Variants in KCNH5 observed in about 807,000 individuals in gnomAD.
The protein encoded by KCNH5 is potassium voltage-gated channel subfamily H member 5, also known as voltage-gated delayed rectifier potassium channel KCNH5.
A neutral mutation model predicts 96.1 loss-of-function variants in KCNH5; 46 were observed. That is an observed-to-expected ratio of 0.48 (90% confidence interval 0.38 to 0.61). The LOEUF is 0.61. Ranked by LOEUF, KCNH5 falls within the 20% of genes least tolerant of loss-of-function variation. The probability of loss-of-function intolerance (pLI) is 0.00; values close to 1 mark genes in which losing one functional copy is unlikely to be tolerated. For missense variants in KCNH5, 907 were observed against 1,225.8 expected (o/e 0.74, Z 3.88); for synonymous variants, 439 against 449.8 (o/e 0.98, Z 0.30).
At chr14:62,913,233 C>CT (rs921070652) in intron 7 of KCNH5, among the ~76,000 whole-genome samples, 94 of 146,906 alleles carry the variant, frequency 6.4e-4, no homozygotes, top group African/African-American at 1.8e-3. Context: ...AAATGTGAAA[C>CT]TTTTTTTTTT....
At chr14:62,729,655 A>G (rs1885008664) in intron 10 of KCNH5, among the ~76,000 whole-genome samples, 1 of 152,194 alleles carries the variant, frequency 6.6e-6, no homozygotes, top group Admixed American at 6.5e-5. Context: ...AGAGATGACT[A>G]AGATCCCCAA....
At position 62,892,944 on chromosome 14, in the gene KCNH5, A is replaced by G. The variant is rs180675078; in HGVS notation, c.1370-43092T>C. Among the ~76,000 whole-genome samples, 394 of 152,330 alleles carry G rather than the reference A, an allele frequency of 2.6e-3. 1 individual carries two copies. Among genetic ancestry groups the G allele is most frequent in the African/African-American group, 9.1e-3 (378 of 41,574 alleles). On this transcript the variant is annotated intron_variant, in intron 7 of 10. Transcript: ENST00000322893. ...AGCTGAAACAGAGATGTACAAGAAG[A>G]TGAATATTGTTTTCATACCTGCTAA...
At chr14:62,833,443 G>C (rs1283807066) in intron 8 of KCNH5, among the ~76,000 whole-genome samples, 2 of 151,952 alleles carry the variant, frequency 1.3e-5, no homozygotes, top group African/African-American at 4.8e-5. Flanking sequence ...ACGATTAGTT[G>C]ACCGTATGTG....
In KCNH5 at chr14:62,733,394, C is replaced by T. The variant is rs1355746946; in HGVS notation, c.2020-24939G>A. ...ACCATATAAGGATACAATGAGATGA[C>T]AGTCATCACAAACCAGGAAACAGGC... On this transcript the variant is annotated intron_variant, in intron 10 of 10. Coordinates refer to ENST00000322893, the MANE Select transcript of KCNH5 (RefSeq NM_139318.5). 5.9e-5 allele frequency among the ~76,000 whole-genome samples: 9 copies of T among 152,202 alleles called. 1 individual carries two copies. The South Asian group carries it at 1.2e-3, about 21-fold the overall frequency.
At chr14:62,990,049 C>A (rs1303999915) in intron 4 of KCNH5, among the ~76,000 whole-genome samples, 1 of 151,784 alleles carries the variant, frequency 6.6e-6, no homozygotes, top group Non-Finnish European at 1.5e-5. Flanking sequence ...AAAATTACAG[C>A]CCTTGGTATA....
chr14:62,781,503 ACCTCTGCAGTCTCGACCGTAAGAGACGG>A (rs1450063568), intron 9 of KCNH5, among the ~76,000 whole-genome samples: 2 of 151,944 alleles, frequency 1.3e-5, no homozygotes, highest in African/African-American at 4.8e-5. Context: ...AGTCTATTTC[ACCTCTGCAGTCTCGACCGTAAGAGACGG>A]CCACGCCCGG....
intron 10 of KCNH5, among the ~76,000 whole-genome samples, chr14:62,774,517 T>C (rs548034778): frequency 1.3e-3 from 196 of 152,360 alleles, no homozygotes; most frequent in Middle Eastern, 3.4e-3. Context: ...GGAACTGTAA[T>C]ATTAACTTTA....
intron 6 of KCNH5, among the ~76,000 whole-genome samples, chr14:62,971,211 G>A (rs1380405286): frequency 2.0e-5 from 3 of 152,032 alleles, no homozygotes; most frequent in African/African-American, 7.2e-5. Flanking sequence ...TTGCTTTTCT[G>A]TATACCAGCA....
intron 5 of KCNH5, among the ~76,000 whole-genome samples, chr14:62,986,833 C>A (rs1167017045): frequency 6.6e-6 from 1 of 152,122 alleles, no homozygotes; most frequent in Non-Finnish European, 1.5e-5. Context: ...CTGATATGCT[C>A]AAAGAAAACC....
intron 9 of KCNH5, among the ~76,000 whole-genome samples, chr14:62,785,780 T>C (rs944437047): frequency 6.6e-6 from 1 of 152,210 alleles, no homozygotes; most frequent in African/African-American, 2.4e-5. Context: ...ATACAGACTA[T>C]GGTATGCTTA....
At chr14:62,731,445 A>T (rs1885048913) in intron 10 of KCNH5, among the ~76,000 whole-genome samples, 1 of 152,170 alleles carries the variant, frequency 6.6e-6, no homozygotes, top group African/African-American at 2.4e-5. Context: ...GAAATACAAC[A>T]TTAATTAGTT....
At chr14:62,946,766 C>T (rs1329802352) in intron 7 of KCNH5, among the ~76,000 whole-genome samples, 1 of 152,124 alleles carries the variant, frequency 6.6e-6, no homozygotes, top group Admixed American at 6.6e-5. Flanking sequence ...ATTACTGATA[C>T]ATTCAACTTA....
At chr14:62,962,202 T>C (rs1487872065) in intron 6 of KCNH5, among the ~76,000 whole-genome samples, 1 of 152,160 alleles carries the variant, frequency 6.6e-6, no homozygotes, top group East Asian at 1.9e-4. Flanking sequence ...GTTGAGGTTG[T>C]ATTTTTACCT....
At chr14:62,924,917 T>C (rs1889445010) in intron 7 of KCNH5, among the ~76,000 whole-genome samples, 1 of 151,942 alleles carries the variant, frequency 6.6e-6, no homozygotes, top group African/African-American at 2.4e-5. Context: ...AATAATAGTG[T>C]ATACTTGAAA....
intron 7 of KCNH5, among the ~76,000 whole-genome samples, chr14:62,932,000 A>G (rs1174683535): frequency 1.3e-5 from 2 of 152,174 alleles, no homozygotes; most frequent in Admixed American, 1.3e-4. Flanking sequence ...TGGAAACTAG[A>G]AAATTCCTCC....
intron 7 of KCNH5, chr14:62,949,726 G>C: frequency 5.7e-6 from 1 of 176,742 alleles, no homozygotes; most frequent in South Asian, 1.1e-4. Flanking sequence ...TGTATCCTAA[G>C]GTCAACTTTA....
chr14:62,946,086 G>A lies in KCNH5; in HGVS notation c.1369+4047C>T, dbSNP rs140636640. Among the ~76,000 whole-genome samples, 1,293 of 152,088 alleles carry A rather than the reference G, an allele frequency of 8.5e-3. 14 individuals are homozygous for A. The highest frequency in any genetic ancestry group is 0.013 in the Non-Finnish European group (899 of 67,986). Reference sequence around the variant, plus strand: ...TAAGAAAATTAGGAAGATATAGGAGGTTACTTCAAAAGTTCAGGCCAGAGA... The same window carrying A: ...TAAGAAAATTAGGAAGATATAGGAGATTACTTCAAAAGTTCAGGCCAGAGA... On this transcript the variant is annotated intron_variant, in intron 7 of 10. Coordinates refer to ENST00000322893, the MANE Select transcript of KCNH5 (RefSeq NM_139318.5).
intron 8 of KCNH5, among the ~76,000 whole-genome samples, chr14:62,808,669 C>T (rs1886816628): frequency 6.6e-6 from 1 of 152,126 alleles, no homozygotes; most frequent in African/African-American, 2.4e-5. Flanking sequence ...AAATATGTTA[C>T]TGGTATATGT....
At chr14:62,858,627 C>G (rs1227410821) in intron 7 of KCNH5, among the ~76,000 whole-genome samples, 1 of 152,132 alleles carries the variant, frequency 6.6e-6, no homozygotes, top group Non-Finnish European at 1.5e-5. Context: ...CCTCTGGAAC[C>G]AAGACCTCTA....
Sources: gnomAD v4.1 joint callset for allele counts (sites outside exome capture counted in the v4.1 genomes callset) on GRCh38, gnomAD v4.1.1 for gene constraint, MANE v1.5 for transcripts, NCBI Gene and HGNC (gene_info 2026-07-23, HGNC 2026-07-21) for gene names.